CORO2A: variants seen among roughly 807,000 people sequenced by gnomAD.
CORO2A encodes coronin 2A, also known as coronin-2A.
CORO2A carries 47 observed loss-of-function variants against 62.4 expected under a neutral mutation model. The ratio of observed to expected loss-of-function variants is 0.75; its 90% confidence interval spans 0.60 to 0.96. The LOEUF is 0.96. Ranked by LOEUF, CORO2A falls within the 40% of genes least tolerant of loss-of-function variation. The pLI is 0.00. For missense variants in CORO2A, 610 were observed against 684.1 expected (o/e 0.89, Z 1.21); for synonymous variants, 273 against 268.9 (o/e 1.02, Z -0.15).
At chr9:98,127,540 A>G (rs965105480) in intron 10 of CORO2A, among the ~76,000 whole-genome samples, 1 of 152,166 alleles carries the variant, frequency 6.6e-6, no homozygotes, top group Non-Finnish European at 1.5e-5. Flanking sequence ...GGCCAGGCCC[A>G]GTGGCTCGCA....
At position 98,122,975 on chromosome 9, in the gene CORO2A, A is replaced by C. The variant is rs953120449; in HGVS notation, c.*1799T>G. 1 of 152,266 alleles carries C rather than the reference A, an allele frequency of 6.6e-6. No individual in the cohort carries two copies. The highest frequency in any genetic ancestry group is 2.4e-5 in the African/African-American group (1 of 41,470). 9.4% of individuals were successfully genotyped at this position (152,266 alleles called of 1,614,324 possible). A position where few individuals can be genotyped will look rare whatever the true frequency, so the allele number is the denominator to read the frequency against. On this transcript the variant is annotated 3_prime_UTR_variant, in exon 12 of 12. Transcript: ENST00000375077. ...GGTTGAATGCCTCTGACCCCTTGCC[A>C]GTGTCCGTTAGTTTCTGTAGCAAAC... is the stretch of plus-strand genomic sequence containing the variant.
In CORO2A at chr9:98,147,735, A is replaced by G. The variant is rs559292795; in HGVS notation, c.201+9725T>C. 2.3e-3 allele frequency among the ~76,000 whole-genome samples: 343 copies of G among 152,354 alleles called. 1 individual carries two copies. The highest frequency in any genetic ancestry group is 0.014 in the Middle Eastern group (4 of 294). ...TAAATTGACAGTTTCTTATAAGGCT[A>G]AACATGCAACTACCTTATGACTCAG... On this transcript the variant is annotated intron_variant, in intron 2 of 11. Coordinates refer to ENST00000375077, the MANE Select transcript of CORO2A (RefSeq NM_052820.4).
At chr9:98,166,344 A>G (rs1827961297) in intron 1 of CORO2A, among the ~76,000 whole-genome samples, 1 of 152,256 alleles carries the variant, frequency 6.6e-6, no homozygotes, top group South Asian at 2.1e-4. Context: ...ACAGGCAACA[A>G]AAGAAAAAAA....
intron 2 of CORO2A, among the ~76,000 whole-genome samples, chr9:98,139,256 A>ATAGTTC (rs1225571436): frequency 1.3e-5 from 2 of 152,026 alleles, no homozygotes; most frequent in African/African-American, 4.8e-5. Context: ...TGAATATACT[A>ATAGTTC]AGATCCACTG....
intron 1 of CORO2A, among the ~76,000 whole-genome samples, chr9:98,172,116 G>T (rs1588011757): frequency 6.6e-6 from 1 of 152,004 alleles, no homozygotes; most frequent in African/African-American, 2.4e-5. Flanking sequence ...GAGGAAAAGG[G>T]TGTGACTGCC....
At chr9:98,128,743 A>T in intron 8 of CORO2A, 24 bp from the exon 9 acceptor site, 1 of 1,604,578 alleles carries the variant, frequency 6.2e-7, no homozygotes, top group South Asian at 1.1e-5. Context: ...GGGAGGGCCA[A>T]GAGGTTCTGG....
chr9:98,159,540 C>G (rs900870873), intron 1 of CORO2A, among the ~76,000 whole-genome samples: 5 of 151,558 alleles, frequency 3.3e-5, no homozygotes, highest in African/African-American at 1.2e-4. Flanking sequence ...TGGCTCTTTG[C>G]CCGTCCCTCT....
chr9:98,189,738 T>C (rs1199387420), intron 1 of CORO2A, among the ~76,000 whole-genome samples: 1 of 152,204 alleles, frequency 6.6e-6, no homozygotes, highest in Non-Finnish European at 1.5e-5. Flanking sequence ...TCTCATGGTC[T>C]TTCTTCTGGA....
In CORO2A at chr9:98,121,449, ATC is replaced by A. The variant is rs1753490107; in HGVS notation, c.*3323_*3324del. 6.9e-6 allele frequency: 1 copy of A among 144,498 alleles called. No individual in the cohort carries two copies. Among genetic ancestry groups the A allele is most frequent in the Admixed American group, 6.9e-5 (1 of 14,524 alleles). The allele number at this position is 144,498 out of a possible 1,614,324, so 9.0% of individuals were successfully genotyped here. On this transcript the variant is annotated 3_prime_UTR_variant, in exon 12 of 12. Transcript: ENST00000375077. ...TAAAAAACAGATGGTTTAAAAAAAT[ATC>A]TGATAAAAATTACCTATCCCTCTCC...
intron 1 of CORO2A, among the ~76,000 whole-genome samples, chr9:98,179,951 C>T (rs1295401691): frequency 1.3e-5 from 2 of 152,008 alleles, no homozygotes; most frequent in African/African-American, 2.4e-5. Flanking sequence ...TGCAGTGAGC[C>T]GAGATCACGC....
Position 98,157,539 on chromosome 9 carries a change from C to T in CORO2A, c.122G>A (p.Cys41Tyr). 6.2e-7 allele frequency: 1 copy of T among 1,614,178 alleles called. No individual in the cohort carries two copies. The highest frequency in any genetic ancestry group is 8.5e-7 in the Non-Finnish European group (1 of 1,180,028). Residue 41 changes from cysteine (C) to tyrosine (Y), a missense_variant, in exon 2 of 12, where the codon TGT becomes TAT. Physicochemically the swap from Cys to Tyr is radical, Grantham distance 194. Transcript: ENST00000375077. ...ITRSVHDNHF[C>Y]AVNPHFIAVV... ...TGCAATGAAGTGGGGGTTCACGGCA[C>T]AGAAGTGGTTGTCGTGAACGCTGCG...
chr9:98,165,804 A>G (rs1827951037), intron 1 of CORO2A, among the ~76,000 whole-genome samples: 1 of 152,222 alleles, frequency 6.6e-6, no homozygotes, highest in African/African-American at 2.4e-5. Flanking sequence ...GTCCCCCATT[A>G]ACCATATCAC....
rs150366436 is a variant in CORO2A at position 98,155,963 on chromosome 9, C to T, written c.201+1497G>A. Among the ~76,000 whole-genome samples, 23 of 151,882 alleles carry T rather than the reference C, an allele frequency of 1.5e-4. No homozygotes were observed. The East Asian group carries it at 4.4e-3, about 29-fold the overall frequency. Reference sequence around the variant, plus strand: ...GGCCCTTTTATCTTCTCTAATGTATCCTTATATTCTCTTTCATTGATTTTT... The same window carrying T: ...GGCCCTTTTATCTTCTCTAATGTATTCTTATATTCTCTTTCATTGATTTTT... On this transcript the variant is annotated intron_variant, in intron 2 of 11. Coordinates refer to ENST00000375077, the MANE Select transcript of CORO2A (RefSeq NM_052820.4).
chr9:98,132,095 T>A (rs1827416350), intron 6 of CORO2A, 90 bp downstream of exon 6: 2 of 973,418 alleles, frequency 2.1e-6, no homozygotes. Flanking sequence ...GTGTGTGTCA[T>A]AAATGGGTGT....
intron 1 of CORO2A, among the ~76,000 whole-genome samples, 176 bp downstream of exon 1, chr9:98,192,383 G>T (rs902821931): frequency 6.6e-6 from 1 of 152,240 alleles, no homozygotes; most frequent in Non-Finnish European, 1.5e-5. Flanking sequence ...ACTGAGGCCT[G>T]GAGAGGAGCA....
chr9:98,175,846 T>C (rs1286415849), intron 1 of CORO2A, among the ~76,000 whole-genome samples: 1 of 152,204 alleles, frequency 6.6e-6, no homozygotes, highest in African/African-American at 2.4e-5. Flanking sequence ...AGTTAATATC[T>C]GTCAAGCACT....
Position 98,128,716 on chromosome 9 carries a change from A to C in CORO2A, c.971T>G (p.Val324Gly), listed in dbSNP as rs1380108985. The C allele has an allele frequency of 6.2e-7, 1 of 1,613,926 alleles. No individual in the cohort carries two copies. The highest frequency in any genetic ancestry group is 1.1e-5 in the South Asian group (1 of 91,076). The change falls in exon 9 of 12, where the codon GTC becomes GGC. Residue 324 changes from valine to glycine, a missense_variant. Physicochemically the swap from Val to Gly is moderately radical, Grantham distance 109 (BLOSUM62 -3). Coordinates refer to ENST00000375077, the MANE Select transcript of CORO2A (RefSeq NM_052820.4). ...RSYNPQKGIG[V>G]MPKRGLDVSS... is the part of the protein sequence containing the mutation. ...CACGTCGAGTCCTCTCTTTGGCATGACACCTGAAGGCAGACAGGGAGGGCC... is the reference window on the plus strand; with the variant it reads ...CACGTCGAGTCCTCTCTTTGGCATGCCACCTGAAGGCAGACAGGGAGGGCC...
At position 98,137,689 on chromosome 9, in the gene CORO2A, C is replaced by T; in HGVS notation, c.202-1G>A. ...GGTAGTGGGGGTCCAACTTCCCTGT[C>T]TGCAAGACAGTGCCCAGGAGGGTTG... On this transcript the variant is annotated splice_acceptor_variant, in intron 2 of 11. Transcript: ENST00000375077. LOFTEE classifies it high-confidence loss of function. The T allele has an allele frequency of 6.2e-7, 1 of 1,612,682 alleles. No individual in the cohort carries two copies. The highest frequency in any genetic ancestry group is 1.1e-5 in the South Asian group (1 of 91,050).
intron 1 of CORO2A, among the ~76,000 whole-genome samples, chr9:98,169,652 G>C (rs1398655585): frequency 6.6e-6 from 1 of 152,106 alleles, no homozygotes; most frequent in African/African-American, 2.4e-5. Context: ...CATCTCCACA[G>C]ACCTGTTCTC....
Sources: allele counts gnomAD v4.1 joint callset (sites outside exome capture counted in the v4.1 genomes callset), GRCh38; gene constraint gnomAD v4.1.1; transcripts MANE v1.5; gene names NCBI Gene and HGNC (gene_info 2026-07-23, HGNC 2026-07-21).